The following EXOC6 variants were observed in gnomAD, a reference collection of about 807,000 sequenced individuals.
EXOC6 encodes exocyst complex component 6, also known as SEC15-like 1.
In EXOC6, 60 loss-of-function variants were observed where a neutral mutation model predicts 112.5. The observed-to-expected ratio is 0.53, with a 90% CI of 0.43 to 0.66. The LOEUF (loss-of-function observed/expected upper bound fraction) is 0.66, where lower values mean the gene tolerates loss of function less well. Among genes scored for constraint, EXOC6 ranks in the 30% least tolerant of loss-of-function variants. The pLI, the probability that EXOC6 is intolerant of heterozygous loss-of-function variation, is 0.00. For missense variants in EXOC6, 855 were observed against 957.1 expected, an observed-to-expected ratio of 0.89 and a Z score of 1.41; for synonymous variants, 295 against 308.0, an observed-to-expected ratio of 0.96 and a Z score of 0.44.
chr10:93,032,950 G>A (rs1845336472), intron 20 of EXOC6, among the ~76,000 whole-genome samples: 2 of 152,138 alleles, frequency 1.3e-5, no homozygotes, highest in Non-Finnish European at 2.9e-5. Flanking sequence ...AGAGGGAAGA[G>A]CAAGAGCAAA....
intron 17 of EXOC6, among the ~76,000 whole-genome samples, chr10:92,961,730 CAGTTAATT>C (rs1400936732): frequency 3.4e-5 from 5 of 148,070 alleles, no homozygotes; most frequent in Admixed American, 1.4e-4. Flanking sequence ...CATCAGTAAT[CAGTTAATT>C]ATAGAAAATG....
chr10:92,850,843 C>T (rs983504432), intron 1 of EXOC6, among the ~76,000 whole-genome samples: 12 of 151,988 alleles, frequency 7.9e-5, no homozygotes, highest in Non-Finnish European at 1.6e-4. Flanking sequence ...TTCTCAGCGG[C>T]GGGATTTTTC....
At chr10:92,902,627 C>T (rs930813705) in intron 5 of EXOC6, among the ~76,000 whole-genome samples, 1 of 151,940 alleles carries the variant, frequency 6.6e-6, no homozygotes, top group Non-Finnish European at 1.5e-5. Flanking sequence ...AATAAACACA[C>T]CTGTGTAGCC....
chr10:92,975,959 T>C (rs866741477), intron 18 of EXOC6, among the ~76,000 whole-genome samples: 2 of 69,770 alleles, frequency 2.9e-5, no homozygotes, highest in Non-Finnish European at 3.1e-5. Context: ...CCCCGTCCGG[T>C]AGGTGAGGGG....
At chr10:92,988,270 T>C (rs1843089670) in intron 18 of EXOC6, among the ~76,000 whole-genome samples, 1 of 152,220 alleles carries the variant, frequency 6.6e-6, no homozygotes, top group South Asian at 2.1e-4. Flanking sequence ...TTTTTCCGTA[T>C]TTGTCTTTTT....
intron 21 of EXOC6, among the ~76,000 whole-genome samples, chr10:93,057,552 A>C (rs1198950204): frequency 6.6e-6 from 1 of 152,132 alleles, no homozygotes. Context: ...TTTAGGTGTT[A>C]ACTTTTCCCT....
chr10:92,993,151 G>A (rs1044515611), intron 18 of EXOC6, among the ~76,000 whole-genome samples: 80 of 152,002 alleles, frequency 5.3e-4, no homozygotes, highest in African/African-American at 1.6e-3. Context: ...ATTTTATTTC[G>A]TTTTTCCTTT....
At chr10:92,909,997 C>T (rs1255172310) in intron 6 of EXOC6, among the ~76,000 whole-genome samples, 1 of 152,284 alleles carries the variant, frequency 6.6e-6, no homozygotes, top group East Asian at 1.9e-4. Context: ...AAACTGTTCT[C>T]TATTTAAAAC....
chr10:92,904,145 C>T lies in EXOC6; in HGVS notation c.458+4501C>T, dbSNP rs181628893. Among the ~76,000 whole-genome samples, 547 of 152,084 alleles carry T rather than the reference C, an allele frequency of 3.6e-3. 3 individuals carry two copies. The highest frequency in any genetic ancestry group is 0.013 in the African/African-American group (521 of 41,510). On this transcript the variant is annotated intron_variant, in intron 5 of 21. Transcript: ENST00000260762. ...CCTTTTGTGACTTGATAACTTATTT[C>T]TTTTTTATCACTGAATAATACTACA...
chr10:92,969,227 T>G (rs1288625911), intron 17 of EXOC6, among the ~76,000 whole-genome samples: 2 of 152,178 alleles, frequency 1.3e-5, no homozygotes, highest in Admixed American at 1.3e-4. Context: ...TTAGCCACTT[T>G]AGTGCTTTGA....
intron 17 of EXOC6, among the ~76,000 whole-genome samples, chr10:92,959,722 A>G (rs956335241): frequency 6.6e-6 from 1 of 152,240 alleles, no homozygotes; most frequent in African/African-American, 2.4e-5. Flanking sequence ...TACCTCAGCA[A>G]AGAAGATACA....
At chr10:92,899,328 G>A (rs1411579729) in intron 4 of EXOC6, among the ~76,000 whole-genome samples, 1 of 152,030 alleles carries the variant, frequency 6.6e-6, no homozygotes, top group Admixed American at 6.6e-5. Flanking sequence ...GTTATACGTG[G>A]TTAGCATATA....
chr10:92,998,975 G>A (rs547602954), intron 19 of EXOC6, among the ~76,000 whole-genome samples: 3 of 151,994 alleles, frequency 2.0e-5, no homozygotes, highest in Non-Finnish European at 2.9e-5. Context: ...GGATTCAAGC[G>A]ATTCTTGTGC....
intron 9 of EXOC6, among the ~76,000 whole-genome samples, chr10:92,931,328 TAGAAC>T (rs1229404687): frequency 1.3e-5 from 2 of 150,830 alleles, no homozygotes; most frequent in Non-Finnish European, 1.5e-5. Flanking sequence ...AAACAGAAAA[TAGAAC>T]AGAATAGATG....
chr10:93,043,954 G>GCTAC (rs1265792016), intron 20 of EXOC6, among the ~76,000 whole-genome samples: 13 of 152,118 alleles, frequency 8.5e-5, no homozygotes, highest in Non-Finnish European at 1.0e-4. Context: ...AGTTCATGTG[G>GCTAC]CTACCTGCAC....
intron 1 of EXOC6, among the ~76,000 whole-genome samples, chr10:92,867,785 A>C (rs1234320562): frequency 6.6e-6 from 1 of 152,182 alleles, no homozygotes; most frequent in South Asian, 2.1e-4. Flanking sequence ...ATGGATACAC[A>C]ACTGGTCAGT....
chr10:92,879,096 C>G (rs752676104), intron 1 of EXOC6, among the ~76,000 whole-genome samples: 7 of 152,194 alleles, frequency 4.6e-5, no homozygotes, highest in Non-Finnish European at 8.8e-5. Flanking sequence ...TTTTCCAGGA[C>G]TGCCAAAAAT....
At chr10:92,873,311 C>T (rs749624553) in intron 1 of EXOC6, among the ~76,000 whole-genome samples, 1 of 152,132 alleles carries the variant, frequency 6.6e-6, no homozygotes, top group Non-Finnish European at 1.5e-5. Context: ...TTCAAAATTA[C>T]AGTGAGTATT....
At chr10:92,975,917 G>T (rs1842565224) in intron 18 of EXOC6, among the ~76,000 whole-genome samples, 1 of 140,530 alleles carries the variant, frequency 7.1e-6, no homozygotes, top group Non-Finnish European at 1.6e-5. Flanking sequence ...CGGGAGGGAG[G>T]TGGGGGGGTC....
Sources: gnomAD v4.1 joint callset for allele counts (sites outside exome capture counted in the v4.1 genomes callset) on GRCh38, gnomAD v4.1.1 for gene constraint, MANE v1.5 for transcripts, NCBI Gene and HGNC (gene_info 2026-07-23, HGNC 2026-07-21) for gene names.